SFMBT2: variants seen among roughly 807,000 people sequenced by gnomAD.
SFMBT2 encodes scm-like with four MBT domains protein 2.
Under a neutral mutation model 110.1 loss-of-function variants are expected in SFMBT2, and 38 were observed. That is an observed-to-expected ratio of 0.35 (90% CI 0.27 to 0.45). SFMBT2 has a LOEUF of 0.45. Among genes scored for constraint, SFMBT2 ranks in the 20% least tolerant of loss-of-function variants. The pLI is 1.00. For synonymous variants in SFMBT2, 425 were observed against 425.4 expected, an observed-to-expected ratio of 1.00 and a Z score of 0.01; for missense variants, 1,011 against 1,094.9, an observed-to-expected ratio of 0.92 and a Z score of 1.08.
chr10:7,302,693 T>C (rs1278242493), intron 4 of SFMBT2, among the ~76,000 whole-genome samples: 1 of 152,214 alleles, frequency 6.6e-6, no homozygotes, highest in Non-Finnish European at 1.5e-5. Flanking sequence ...AGGTTGTTAT[T>C]AAAGGAAAAC....
Position 7,161,869 on chromosome 10 carries a change from C to T in SFMBT2, c.*1901G>A, listed in dbSNP as rs746237572. The T allele has an allele frequency of 9.2e-5, 14 of 152,106 alleles. No individual in the cohort carries two copies. The highest frequency in any genetic ancestry group is 2.6e-4 in the Admixed American group (4 of 15,266). The allele number at this position is 152,106 out of a possible 1,614,324, so 9.4% of individuals were successfully genotyped here. Reference sequence around the variant, plus strand: ...AAATGCAAGCAGCTCATCAGCCCACCGCAGAATTTTACTGGAACTGTGGAG... The same window carrying T: ...AAATGCAAGCAGCTCATCAGCCCACTGCAGAATTTTACTGGAACTGTGGAG... On this transcript the variant is annotated 3_prime_UTR_variant, in exon 21 of 21. Transcript: ENST00000397167.
intron 4 of SFMBT2, among the ~76,000 whole-genome samples, chr10:7,298,771 G>A (rs576335336): frequency 4.3e-4 from 65 of 151,074 alleles, no homozygotes; most frequent in African/African-American, 1.5e-3. Flanking sequence ...GTGTGTGTTC[G>A]TGTGTGTGTG....
At chr10:7,388,900 G>C (rs924247423) in intron 1 of SFMBT2, among the ~76,000 whole-genome samples, 16 of 152,104 alleles carry the variant, frequency 1.1e-4, no homozygotes, top group Admixed American at 9.8e-4. Context: ...AAGCACTCAG[G>C]GAGCCATAGG....
chr10:7,277,182 T>G (rs1298305791), intron 6 of SFMBT2, among the ~76,000 whole-genome samples, 193 bp from the exon 7 acceptor site: 1 of 152,212 alleles, frequency 6.6e-6, no homozygotes, highest in African/African-American at 2.4e-5. Flanking sequence ...AACTTGGGAT[T>G]CTGCTGTCAG....
At chr10:7,404,017 CT>C (rs1411411206) in intron 1 of SFMBT2, among the ~76,000 whole-genome samples, 1 of 152,204 alleles carries the variant, frequency 6.6e-6, no homozygotes, top group Non-Finnish European at 1.5e-5. Flanking sequence ...CCCAACGACC[CT>C]GATTTGATCA....
chr10:7,190,062 C>T (rs941049466), intron 15 of SFMBT2, among the ~76,000 whole-genome samples: 5 of 152,222 alleles, frequency 3.3e-5, no homozygotes, highest in Non-Finnish European at 5.9e-5. Flanking sequence ...ACTACGCGGT[C>T]AGCCCGGCGA....
intron 4 of SFMBT2, among the ~76,000 whole-genome samples, chr10:7,353,412 C>T (rs999945218): frequency 4.6e-5 from 7 of 151,048 alleles, no homozygotes; most frequent in Admixed American, 6.6e-5. Flanking sequence ...AATCCAATGA[C>T]GGAAACAGAA....
chr10:7,272,556 C>A (rs1841624997), intron 7 of SFMBT2, among the ~76,000 whole-genome samples: 2 of 152,212 alleles, frequency 1.3e-5, no homozygotes, highest in Non-Finnish European at 1.5e-5. Context: ...TCCCTGATCC[C>A]TGTCTCAGCC....
At chr10:7,196,551 C>T (rs1018327138) in intron 15 of SFMBT2, among the ~76,000 whole-genome samples, 6 of 152,224 alleles carry the variant, frequency 3.9e-5, no homozygotes, top group African/African-American at 1.2e-4. Flanking sequence ...AGGATTACAT[C>T]ATCTCCCTAA....
chr10:7,249,377 G>T, intron 7 of SFMBT2: 1 of 298,652 alleles, frequency 3.3e-6, no homozygotes, highest in Non-Finnish European at 4.9e-6. Context: ...CAGCTACACA[G>T]CAATAGAGGA....
intron 9 of SFMBT2, among the ~76,000 whole-genome samples, chr10:7,242,873 C>T (rs1428468697): frequency 6.6e-6 from 1 of 152,170 alleles, no homozygotes; most frequent in Non-Finnish European, 1.5e-5. Context: ...AAATCCTCCC[C>T]AATAAGTTTA....
At chr10:7,323,644 C>A (rs1843275679) in intron 4 of SFMBT2, among the ~76,000 whole-genome samples, 1 of 151,914 alleles carries the variant, frequency 6.6e-6, no homozygotes, top group African/African-American at 2.4e-5. Flanking sequence ...AGGTGCTGTG[C>A]AGATTTTTTT....
chr10:7,171,898 T>G lies in SFMBT2; in HGVS notation c.2412A>C (p.Thr804=). Residue 804 remains threonine (T), a synonymous_variant, in exon 19 of 21, where the codon ACA becomes ACC. Transcript: ENST00000397167. This position sits in a 1 kb window ranked among gnomAD's most constrained non-coding sequence, Gnocchi z 4.9. ...TGTCCCCACGCCCGGGCATCACCTC[T>G]GTCCCCTCGGGCTTGGTCGGCGGGC... ...EKCPPTKPEG[T]EDTKQEEEER... 1.4e-6 allele frequency: 2 copies of G among 1,431,786 alleles called. No homozygotes were observed. Among genetic ancestry groups the G allele is most frequent in the Non-Finnish European group, 1.8e-6 (2 of 1,095,852 alleles). 88.7% of individuals were successfully genotyped at this position (1,431,786 alleles called of 1,614,324 possible). A position where few individuals can be genotyped will look rare whatever the true frequency, so the allele number is the denominator to read the frequency against.
At chr10:7,321,734 A>G (rs1843196939) in intron 4 of SFMBT2, among the ~76,000 whole-genome samples, 1 of 152,202 alleles carries the variant, frequency 6.6e-6, no homozygotes, top group Non-Finnish European at 1.5e-5. Flanking sequence ...TTCCAAGCAT[A>G]TAGCTTTAAG....
intron 20 of SFMBT2, among the ~76,000 whole-genome samples, chr10:7,166,400 T>C (rs1289812071): frequency 6.6e-6 from 1 of 152,246 alleles, no homozygotes; most frequent in Admixed American, 6.5e-5. Context: ...ACGAAAATAT[T>C]CGTGTAACTC....
At position 7,293,350 on chromosome 10, in the gene SFMBT2, C is replaced by T. The variant is rs1588424599; in HGVS notation, c.437-7396G>A. ...CTGACTTCAGGTGATCTGCCTGCCT[C>T]GGCCTCCCAAAGTGCTGGGATTACA... is the stretch of plus-strand genomic sequence containing the variant. On this transcript the variant is annotated intron_variant, in intron 4 of 20. Coordinates refer to ENST00000397167, the MANE Select transcript of SFMBT2 (RefSeq NM_001387889.1). The surrounding 1 kb of genome is among the most constrained non-coding windows in gnomAD (Gnocchi z 4.6). 6.6e-6 allele frequency among the ~76,000 whole-genome samples: 1 copy of T among 152,118 alleles called. No homozygotes were observed. Among genetic ancestry groups the T allele is most frequent in the Non-Finnish European group, 1.5e-5 (1 of 68,018 alleles).
At position 7,205,799 on chromosome 10, in the gene SFMBT2, A is replaced by C. The variant is rs543529647; in HGVS notation, c.1444+16T>G. On this transcript the variant is annotated intron_variant, in intron 12 of 20. Coordinates refer to ENST00000397167, the MANE Select transcript of SFMBT2 (RefSeq NM_001387889.1). ...CACTGGTGTCATCCACCCCCCCTCA[A>C]CTGGGAACCACTTACAGACTGTTTT... 6 of 1,611,520 alleles carry C rather than the reference A, an allele frequency of 3.7e-6. No individual in the cohort carries two copies. The Admixed American group carries it at 8.4e-5, about 22-fold the overall frequency.
chr10:7,229,017 C>T (rs1370554557), intron 9 of SFMBT2, among the ~76,000 whole-genome samples: 1 of 152,056 alleles, frequency 6.6e-6, no homozygotes, highest in Non-Finnish European at 1.5e-5. Flanking sequence ...GGTGTCAAAA[C>T]CTTCCTGTAA....
chr10:7,170,779 C>A lies in SFMBT2; in HGVS notation c.2544+149G>T. 1 of 863,468 alleles carries A rather than the reference C, an allele frequency of 1.2e-6. No homozygotes were observed. Among genetic ancestry groups the A allele is most frequent in the South Asian group, 1.6e-5 (1 of 62,324 alleles). The allele number at this position is 863,468 out of a possible 1,614,324, so 53.5% of individuals were successfully genotyped here. A position where few individuals can be genotyped will look rare whatever the true frequency, so the allele number is the denominator to read the frequency against. On this transcript the variant is annotated intron_variant, in intron 20 of 20. Coordinates refer to ENST00000397167, the MANE Select transcript of SFMBT2 (RefSeq NM_001387889.1). This position sits in a 1 kb window ranked among gnomAD's most constrained non-coding sequence, Gnocchi z 4.6. ...CCTGCCAGGCAGCTCTCAGCAGGGG[C>A]CTTGGAGGGAGAAGGGTCTCGCACA...
Sources: allele counts gnomAD v4.1 joint callset (sites outside exome capture counted in the v4.1 genomes callset), GRCh38; gene constraint gnomAD v4.1.1; non-coding constraint Gnocchi (gnomAD v3.1); transcripts MANE v1.5; gene names NCBI Gene and HGNC (gene_info 2026-07-23, HGNC 2026-07-21).